The following RMDN2 variants were observed in gnomAD, a reference collection of about 807,000 sequenced individuals.
RMDN2 encodes the protein regulator of microtubule dynamics 2.
RMDN2 carries 61 observed loss-of-function variants against 52.8 expected under a neutral mutation model. The ratio of observed to expected loss-of-function variants is 1.16; its 90% CI spans 0.94 to 1.43. The LOEUF (loss-of-function observed/expected upper bound fraction) is 1.43. Among genes scored for constraint, RMDN2 ranks in the 40% most tolerant of loss-of-function variants. The pLI is 0.00. For synonymous variants in RMDN2, 180 were observed against 153.1 expected (o/e 1.18, Z -1.30); for missense variants, 592 against 475.3 (o/e 1.25, Z -2.28).
intron 1 of RMDN2, among the ~76,000 whole-genome samples, 166 bp from the exon 2 acceptor site, chr2:37,929,096 C>A (rs1313388807): frequency 3.3e-5 from 5 of 152,240 alleles, no homozygotes; most frequent in South Asian, 4.1e-4. Context: ...AAGACTCTTA[C>A]AACAGTATAC....
intron 4 of RMDN2, among the ~76,000 whole-genome samples, chr2:37,979,310 A>T (rs1672992472): frequency 6.6e-6 from 1 of 152,210 alleles, no homozygotes; most frequent in Admixed American, 6.5e-5. Flanking sequence ...TATGGAAAAG[A>T]TAATAAAGGG....
At chr2:38,007,352 G>T (rs966380119) in intron 10 of RMDN2, among the ~76,000 whole-genome samples, 3 of 152,150 alleles carry the variant, frequency 2.0e-5, no homozygotes, top group Non-Finnish European at 4.4e-5. Flanking sequence ...CTTTTGGTTG[G>T]TAAGCTATTA....
intron 4 of RMDN2, chr2:37,976,446 C>G (rs541498396): frequency 6.6e-6 from 1 of 152,314 alleles, no homozygotes; most frequent in South Asian, 2.1e-4. Context: ...AAGAGGAAGA[C>G]ACAGCAAGAA....
intron 10 of RMDN2, among the ~76,000 whole-genome samples, chr2:38,010,355 C>T (rs1009865444): frequency 6.6e-6 from 1 of 152,220 alleles, no homozygotes; most frequent in African/African-American, 2.4e-5. Flanking sequence ...GTGGTGGGCT[C>T]CACCTAATTC....
intron 10 of RMDN2, among the ~76,000 whole-genome samples, chr2:38,004,948 G>T (rs544250900): frequency 6.6e-6 from 1 of 151,866 alleles, no homozygotes; most frequent in Non-Finnish European, 1.5e-5. Context: ...AACATGTGGT[G>T]TTTGGTTTTT....
chr2:37,945,535 C>T (rs1179511599), intron 2 of RMDN2, among the ~76,000 whole-genome samples: 2 of 152,156 alleles, frequency 1.3e-5, no homozygotes, highest in Non-Finnish European at 2.9e-5. Flanking sequence ...AAGAGTAATA[C>T]TTAGATTTCT....
chr2:38,022,934 G>A (rs1242696511), intron 10 of RMDN2, among the ~76,000 whole-genome samples: 2 of 152,186 alleles, frequency 1.3e-5, no homozygotes, highest in African/African-American at 4.8e-5. Flanking sequence ...CCAGGATTGC[G>A]TTCCAGCCCT....
intron 2 of RMDN2, among the ~76,000 whole-genome samples, chr2:37,948,930 C>A (rs72887120): frequency 0.034 from 5,250 of 152,236 alleles, 275 homozygotes; most frequent in African/African-American, 0.12. Flanking sequence ...GCTCAGTGAG[C>A]AGATGCTTCT....
chr2:38,031,965 C>A (rs1277149855), intron 10 of RMDN2, among the ~76,000 whole-genome samples: 2 of 152,078 alleles, frequency 1.3e-5, no homozygotes, highest in Non-Finnish European at 2.9e-5. Flanking sequence ...ACAACAATGC[C>A]GCTGCCTATC....
intron 5 of RMDN2, among the ~76,000 whole-genome samples, chr2:37,985,676 A>C (rs1164976352): frequency 6.6e-6 from 1 of 152,186 alleles, no homozygotes; most frequent in Non-Finnish European, 1.5e-5. Context: ...TAAAAGTTAC[A>C]GAGAACACAA....
At chr2:38,034,181 C>T (rs559826588) in intron 10 of RMDN2, among the ~76,000 whole-genome samples, 1 of 152,350 alleles carries the variant, frequency 6.6e-6, no homozygotes, top group African/African-American at 2.4e-5. Context: ...CCTTTGACTG[C>T]TCTGCCTGTA....
At chr2:37,964,685 G>C (rs1216134773) in intron 2 of RMDN2, among the ~76,000 whole-genome samples, 1 of 152,142 alleles carries the variant, frequency 6.6e-6, no homozygotes, top group Non-Finnish European at 1.5e-5. Context: ...TATATGTGTT[G>C]TTAGGACCTA....
chr2:38,014,772 G>C (rs1003220042), intron 10 of RMDN2, among the ~76,000 whole-genome samples: 1 of 152,172 alleles, frequency 6.6e-6, no homozygotes, highest in Non-Finnish European at 1.5e-5. Flanking sequence ...AATTATAGAG[G>C]TGTACTCTGC....
At chr2:37,942,374 G>A (rs1410270389) in intron 2 of RMDN2, among the ~76,000 whole-genome samples, 1 of 152,132 alleles carries the variant, frequency 6.6e-6, no homozygotes, top group Non-Finnish European at 1.5e-5. Context: ...CTCATGTTTT[G>A]TTCTTATAAA....
rs1682316124 is a variant in RMDN2 at position 38,067,106 on chromosome 2, A to G, written c.*116A>G. ...TGAAGTCAAGTATTTTTACCAAGTA[A>G]AAAGATTGGCAATAAAACATTTCCA... is the stretch of plus-strand genomic sequence containing the variant. On this transcript the variant is annotated 3_prime_UTR_variant, in exon 11 of 11. Transcript: ENST00000234195. 4.0e-6 allele frequency: 4 copies of G among 999,868 alleles called. No individual in the cohort carries two copies. The African/African-American group carries it at 4.9e-5, about 12-fold the overall frequency. The allele number at this position is 999,868 out of a possible 1,614,324, so 61.9% of individuals were successfully genotyped here.
rs1295395895 is a variant in RMDN2, at chr2:37,929,519, A to G, written c.242A>G (p.Glu81Gly). The G allele has an allele frequency of 1.3e-6, 2 of 1,551,768 alleles. No homozygotes were observed. The highest frequency in any genetic ancestry group is 2.4e-5 in the East Asian group (1 of 40,902). ...RQLQILEKLN[E>G]LLTNMEELKE... is the part of the protein sequence containing the mutation. ...CTTCAGATACTGGAGAAGTTAAACG[A>G]ATTACTGACAAATATGGAAGAACTC... is the stretch of plus-strand genomic sequence containing the variant. Residue 81 changes from glutamate (E) to glycine (G), a missense_variant, in exon 2 of 11, where the codon GAA (glutamate) becomes GGA (glycine). Coordinates refer to ENST00000354545, the MANE Select transcript of RMDN2 (RefSeq NM_001170791.3).
chr2:38,060,983 G>A (rs960419035), intron 10 of RMDN2, among the ~76,000 whole-genome samples: 1 of 152,156 alleles, frequency 6.6e-6, no homozygotes, highest in Non-Finnish European at 1.5e-5. Context: ...TGTTCCAGGA[G>A]AAGTTCCATT....
upstream of RMDN2, among the ~76,000 whole-genome samples, chr2:37,922,139 T>C (rs6722476): frequency 0.96 from 146,497 of 152,268 alleles, 70,539 homozygotes; most frequent in Middle Eastern, 1. Context: ...TCCTTAACCC[T>C]TTCCTTAAAA....
chr2:37,964,230 C>T (rs550603938), intron 2 of RMDN2, among the ~76,000 whole-genome samples: 28 of 152,228 alleles, frequency 1.8e-4, no homozygotes, highest in African/African-American at 5.1e-4. Context: ...GGGCGGCTGC[C>T]GGGCGGAGGG....
Sources: allele counts gnomAD v4.1 joint callset (sites outside exome capture counted in the v4.1 genomes callset), GRCh38; gene constraint gnomAD v4.1.1; transcripts MANE v1.5; gene names NCBI Gene and HGNC (gene_info 2026-07-23, HGNC 2026-07-21).